The following DOK5 variants were observed in gnomAD, a reference collection of about 807,000 sequenced individuals.
The protein encoded by DOK5 is docking protein 5.
Under a neutral mutation model 43.3 loss-of-function variants are expected in DOK5, and 27 were observed. The observed-to-expected ratio is 0.62, with a 90% CI of 0.46 to 0.86. The LOEUF (loss-of-function observed/expected upper bound fraction) is 0.86. DOK5 is among the 40% of genes least tolerant of loss of function. The pLI is 0.00. For missense variants in DOK5, 373 were observed against 392.9 expected, an observed-to-expected ratio of 0.95 and a Z score of 0.43; for synonymous variants, 146 against 140.1, an observed-to-expected ratio of 1.04 and a Z score of -0.30.
At chr20:54,596,869 G>A (rs1046994527) in intron 5 of DOK5, among the ~76,000 whole-genome samples, 2 of 152,104 alleles carry the variant, frequency 1.3e-5, no homozygotes, top group African/African-American at 4.8e-5. Flanking sequence ...TGACAGTTCT[G>A]TTTCTTCTAA....
intron 1 of DOK5, among the ~76,000 whole-genome samples, chr20:54,483,546 G>C (rs922701569): frequency 2.0e-5 from 3 of 152,168 alleles, no homozygotes; most frequent in African/African-American, 7.2e-5. Flanking sequence ...AAATATTGAA[G>C]TGAAAAGATG....
In DOK5 at chr20:54,496,549, G is replaced by C. The variant is rs67946681; in HGVS notation, c.66+20537G>C. ...TTGGGAGGCCAAGGCGGGTGGATCA[G>C]GAGGTCAGGAGATCGAGACCATCCT... On this transcript the variant is annotated intron_variant, in intron 1 of 7. Transcript: ENST00000262593. 1.4e-4 allele frequency among the ~76,000 whole-genome samples: 22 copies of C among 152,014 alleles called. No homozygotes were observed. The East Asian group carries it at 2.9e-3, about 20-fold the overall frequency.
chr20:54,606,587 GGTTT>G (rs1437039571), intron 5 of DOK5, among the ~76,000 whole-genome samples: 2 of 152,062 alleles, frequency 1.3e-5, no homozygotes, highest in East Asian at 1.9e-4. Flanking sequence ...TCCTTTTTTT[GGTTT>G]GTTTGTTTTC....
chr20:54,496,369 T>C (rs112849433), intron 1 of DOK5, among the ~76,000 whole-genome samples: 6 of 152,342 alleles, frequency 3.9e-5, no homozygotes, highest in African/African-American at 1.2e-4. Context: ...TAAAAATGTT[T>C]CCTACTATTC....
chr20:54,495,607 G>A (rs1982361155), intron 1 of DOK5, among the ~76,000 whole-genome samples: 1 of 152,202 alleles, frequency 6.6e-6, no homozygotes, highest in South Asian at 2.1e-4. Context: ...TTAGAAAGAA[G>A]TGGCTGGGCG....
chr20:54,561,321 A>G (rs1984896657), intron 2 of DOK5, among the ~76,000 whole-genome samples: 1 of 152,176 alleles, frequency 6.6e-6, no homozygotes, highest in African/African-American at 2.4e-5. Flanking sequence ...TCTGATTTCT[A>G]GTTGGAGACA....
intron 2 of DOK5, among the ~76,000 whole-genome samples, chr20:54,568,822 C>G (rs927291286): frequency 1.3e-5 from 2 of 151,618 alleles, no homozygotes; most frequent in Non-Finnish European, 2.9e-5. Flanking sequence ...CCCAGCTACT[C>G]GGGAGGCTGA....
intron 5 of DOK5, among the ~76,000 whole-genome samples, chr20:54,593,075 T>C (rs1986031918): frequency 6.6e-6 from 1 of 152,168 alleles, no homozygotes; most frequent in Non-Finnish European, 1.5e-5. Flanking sequence ...CCCCTCTAAC[T>C]AATCTGTTAA....
At chr20:54,593,958 T>G (rs1986055838) in intron 5 of DOK5, among the ~76,000 whole-genome samples, 1 of 151,994 alleles carries the variant, frequency 6.6e-6, no homozygotes, top group Non-Finnish European at 1.5e-5. Flanking sequence ...AACATATGGA[T>G]ACATAGAAGG....
At chr20:54,637,659 C>T (rs1159255840) in intron 6 of DOK5, among the ~76,000 whole-genome samples, 1 of 152,254 alleles carries the variant, frequency 6.6e-6, no homozygotes, top group Admixed American at 6.5e-5. Flanking sequence ...CAGCCTTGGG[C>T]TAACAGTGCT....
chr20:54,483,073 G>T (rs573135239), intron 1 of DOK5, among the ~76,000 whole-genome samples: 1 of 152,132 alleles, frequency 6.6e-6, no homozygotes, highest in Non-Finnish European at 1.5e-5. Flanking sequence ...TATTTCAGTC[G>T]TCTTCATCTG....
intron 6 of DOK5, among the ~76,000 whole-genome samples, chr20:54,612,990 T>G (rs1373644483): frequency 2.6e-5 from 4 of 152,222 alleles, no homozygotes; most frequent in Non-Finnish European, 5.9e-5. Context: ...GATATGCTCA[T>G]AACATGTTCA....
chr20:54,512,025 A>G (rs1983032321), intron 1 of DOK5, among the ~76,000 whole-genome samples: 1 of 152,122 alleles, frequency 6.6e-6, no homozygotes. Flanking sequence ...GGCTGTGTCT[A>G]CCTTATACAC....
intron 5 of DOK5, among the ~76,000 whole-genome samples, chr20:54,610,018 C>T (rs931513123): frequency 6.6e-6 from 1 of 152,208 alleles, no homozygotes; most frequent in African/African-American, 2.4e-5. Flanking sequence ...GAGCTATTCA[C>T]AGACTGTACA....
At chr20:54,603,793 C>T (rs1986373571) in intron 5 of DOK5, among the ~76,000 whole-genome samples, 1 of 152,108 alleles carries the variant, frequency 6.6e-6, no homozygotes, top group Non-Finnish European at 1.5e-5. Flanking sequence ...TTATTCCTCA[C>T]AATGAAACTC....
chr20:54,501,151 A>G (rs1982581712), intron 1 of DOK5, among the ~76,000 whole-genome samples: 1 of 152,116 alleles, frequency 6.6e-6, no homozygotes, highest in Admixed American at 6.5e-5. Flanking sequence ...GATTTACATT[A>G]CAGCCAGTTT....
rs139884216 is a variant in DOK5, at chr20:54,550,315, G to C, written c.67-4618G>C. The stretch of plus-strand genomic sequence containing the variant: ...AATTTAATTAAACATTCTATTTCAA[G>C]ATAATTGTAAATTCACATTCAATTG... On this transcript the variant is annotated intron_variant, in intron 1 of 7. Coordinates refer to ENST00000262593, the MANE Select transcript of DOK5 (RefSeq NM_018431.5). Among the ~76,000 whole-genome samples the C allele has an allele frequency of 9.2e-3, 1,401 of 152,094 alleles. 5 individuals are homozygous for C. Among genetic ancestry groups the C allele is most frequent in the Non-Finnish European group, 0.014 (924 of 67,976 alleles).
chr20:54,526,347 C>T (rs939320309), intron 1 of DOK5, among the ~76,000 whole-genome samples: 13 of 152,034 alleles, frequency 8.6e-5, no homozygotes, highest in Non-Finnish European at 1.9e-4. Flanking sequence ...GACGGCATGG[C>T]GCCAGGATCC....
chr20:54,501,882 G>C (rs188244658), intron 1 of DOK5, among the ~76,000 whole-genome samples: 26 of 152,234 alleles, frequency 1.7e-4, no homozygotes, highest in African/African-American at 5.3e-4. Context: ...ACTTAATATT[G>C]GTTTCTGACT....
Sources: allele counts gnomAD v4.1 joint callset (sites outside exome capture counted in the v4.1 genomes callset), GRCh38; gene constraint gnomAD v4.1.1; transcripts MANE v1.5; gene names NCBI Gene and HGNC (gene_info 2026-07-23, HGNC 2026-07-21).